SLC9B1: variants seen among roughly 807,000 people sequenced by gnomAD.
The protein encoded by SLC9B1 is solute carrier family 9 member B1.
In SLC9B1, 32 loss-of-function variants were observed where a neutral mutation model predicts 51.7. The observed-to-expected ratio is 0.62, with a 90% CI of 0.47 to 0.83. The LOEUF (loss-of-function observed/expected upper bound fraction) is 0.83, where lower values mean the gene tolerates loss of function less well. SLC9B1 is among the 40% of genes least tolerant of loss of function. The pLI is 0.00. For missense variants in SLC9B1, 406 were observed against 613.2 expected (o/e 0.66, Z 3.57); for synonymous variants, 145 against 212.7 (o/e 0.68, Z 2.77).
intron 4 of SLC9B1, 86 bp from the exon 5 acceptor site, chr4:102,946,875 A>G: frequency 8.0e-7 from 1 of 1,255,912 alleles, no homozygotes; most frequent in Non-Finnish European, 1.1e-6. Context: ...CTAATGCACT[A>G]TGTCTCTCAT....
chr4:103,002,875 C>A (rs1740597550), intron 1 of SLC9B1, among the ~76,000 whole-genome samples: 1 of 152,190 alleles, frequency 6.6e-6, no homozygotes, highest in African/African-American at 2.4e-5. Flanking sequence ...TGAAACCAAG[C>A]CCTTCCTTTA....
intron 11 of SLC9B1, among the ~76,000 whole-genome samples, chr4:102,886,169 G>T (rs1578316246): frequency 6.6e-6 from 1 of 152,094 alleles, no homozygotes; most frequent in East Asian, 1.9e-4. Flanking sequence ...GCATATTACA[G>T]TGTGATCCCA....
intron 7 of SLC9B1, among the ~76,000 whole-genome samples, chr4:102,912,520 G>T (rs1384730749): frequency 6.6e-6 from 1 of 152,106 alleles, no homozygotes; most frequent in Non-Finnish European, 1.5e-5. Context: ...CACAAAAATA[G>T]TTCAGTTAAG....
intron 11 of SLC9B1, among the ~76,000 whole-genome samples, chr4:102,893,704 A>C (rs1399561734): frequency 6.6e-6 from 1 of 152,074 alleles, no homozygotes; most frequent in African/African-American, 2.4e-5. Context: ...TGGGTGGATC[A>C]CTTAAGGTCA....
At chr4:102,935,266 A>G (rs984703580) in intron 6 of SLC9B1, among the ~76,000 whole-genome samples, 7 of 152,226 alleles carry the variant, frequency 4.6e-5, no homozygotes, top group African/African-American at 1.4e-4. Flanking sequence ...AATCACAGAA[A>G]TGCAAATTAA....
At chr4:102,998,690 A>G (rs1468295916) in intron 1 of SLC9B1, among the ~76,000 whole-genome samples, 1 of 151,760 alleles carries the variant, frequency 6.6e-6, no homozygotes, top group Non-Finnish European at 1.5e-5. Context: ...GCAGGCAAAC[A>G]CTTGTTATTT....
chr4:102,990,047 T>C (rs956823276), intron 2 of SLC9B1, 106 bp from the exon 3 acceptor site: 9 of 880,560 alleles, frequency 1.0e-5, no homozygotes, highest in Admixed American at 3.1e-5. Flanking sequence ...TTACTGTCAA[T>C]GCGAGGAATC....
At position 102,985,126 on chromosome 4, in the gene SLC9B1, T is replaced by C. The variant is rs1368703186; in HGVS notation, c.211+4674A>G. ...ATTGCTGGAAGTCTGCTGTCTGAAA[T>C]TAATATAGCTAATTTAACTTTCTTT... On this transcript the variant is annotated intron_variant, in intron 3 of 11. Transcript: ENST00000296422. Among the ~76,000 whole-genome samples, 3 of 152,244 alleles carry C rather than the reference T, an allele frequency of 2.0e-5. No individual in the cohort carries two copies. The South Asian group carries it at 6.2e-4, about 31-fold the overall frequency.
At chr4:102,918,797 G>T (rs1306668900) in intron 7 of SLC9B1, among the ~76,000 whole-genome samples, 1 of 152,174 alleles carries the variant, frequency 6.6e-6, no homozygotes, top group Non-Finnish European at 1.5e-5. Flanking sequence ...CAGAACGCAA[G>T]AAATAAATTT....
At chr4:102,947,674 A>G (rs1156354481) in intron 4 of SLC9B1, among the ~76,000 whole-genome samples, 1 of 152,242 alleles carries the variant, frequency 6.6e-6, no homozygotes, top group Non-Finnish European at 1.5e-5. Context: ...ATATTTAGAT[A>G]TATTTGAATA....
At chr4:102,905,358 CTG>C (rs1423052348) in intron 11 of SLC9B1, among the ~76,000 whole-genome samples, 154 bp downstream of exon 11, 2 of 151,986 alleles carry the variant, frequency 1.3e-5, no homozygotes, top group African/African-American at 4.8e-5. Flanking sequence ...GTAGCCAGGA[CTG>C]GTTACGTTAA....
intron 7 of SLC9B1, among the ~76,000 whole-genome samples, chr4:102,925,323 A>G (rs1264789200): frequency 6.6e-6 from 1 of 152,112 alleles, no homozygotes; most frequent in Non-Finnish European, 1.5e-5. Flanking sequence ...CAAACACCGC[A>G]TGTTCTCACT....
chr4:102,983,807 T>C (rs1343210715), intron 3 of SLC9B1, among the ~76,000 whole-genome samples: 1 of 152,150 alleles, frequency 6.6e-6, no homozygotes, highest in African/African-American at 2.4e-5. Flanking sequence ...GGCTTATCAA[T>C]TGTGTTGATC....
chr4:102,960,736 C>CTTTT (rs1172297121), intron 3 of SLC9B1, among the ~76,000 whole-genome samples: 1 of 142,584 alleles, frequency 7.0e-6, no homozygotes. Flanking sequence ...TTCTTTCTTT[C>CTTTT]TTTTTTTTTT....
In SLC9B1 at chr4:102,918,666, AG is replaced by A. The variant is rs1735708064; in HGVS notation, c.830-7130del. 8.5e-5 allele frequency among the ~76,000 whole-genome samples: 13 copies of A among 152,342 alleles called. No individual in the cohort carries two copies. In the South Asian group the frequency reaches 1.9e-3, roughly 22 times the overall value. ...CTAGGGCCTTTATAAAAGAGGCTTAAGGGAGTTTACTTTCCCTTTTGAACAT... is the reference window on the plus strand; with the variant it reads ...CTAGGGCCTTTATAAAAGAGGCTTAAGGAGTTTACTTTCCCTTTTGAACAT... On this transcript the variant is annotated intron_variant, in intron 7 of 11. Transcript: ENST00000296422.
At chr4:102,940,195 T>C (rs1419731042) in intron 6 of SLC9B1, among the ~76,000 whole-genome samples, 1 of 152,192 alleles carries the variant, frequency 6.6e-6, no homozygotes, top group African/African-American at 2.4e-5. Flanking sequence ...TCTGTAGCAT[T>C]TCTATACACC....
rs1286031289 is a variant in SLC9B1, at chr4:102,925,660, T to C, written c.829+6464A>G. 5.7e-5 allele frequency among the ~76,000 whole-genome samples: 8 copies of C among 141,304 alleles called. No homozygotes were observed. In the East Asian group the frequency reaches 6.1e-4, roughly 11 times the overall value. The allele number at this position is 141,304 out of a possible 152,430, so 92.7% of individuals were successfully genotyped here. On this transcript the variant is annotated intron_variant, in intron 7 of 11. Transcript: ENST00000296422. ...CTACTTCTTGGAAAAAATATCAACATTGAAAACATCAAAAAAATTAAACAC... is the reference window on the plus strand; with the variant it reads ...CTACTTCTTGGAAAAAATATCAACACTGAAAACATCAAAAAAATTAAACAC...
At chr4:102,906,039 G>A (rs935009912) in intron 10 of SLC9B1, among the ~76,000 whole-genome samples, 3 of 152,200 alleles carry the variant, frequency 2.0e-5, no homozygotes, top group African/African-American at 7.2e-5. Flanking sequence ...GGGTTCACGC[G>A]ATTCTCCTGC....
intron 3 of SLC9B1, among the ~76,000 whole-genome samples, chr4:102,960,646 G>A (rs895239461): frequency 6.6e-6 from 1 of 151,936 alleles, no homozygotes; most frequent in Non-Finnish European, 1.5e-5. Context: ...CATCTATTGA[G>A]TGGTAAGATA....
Sources: gnomAD v4.1 joint callset for allele counts (sites outside exome capture counted in the v4.1 genomes callset) on GRCh38, gnomAD v4.1.1 for gene constraint, MANE v1.5 for transcripts, NCBI Gene and HGNC (gene_info 2026-07-23, HGNC 2026-07-21) for gene names.